Variants in PARD3B observed in about 807,000 individuals in gnomAD.
PARD3B encodes the protein partitioning defective 3 homolog B.
A neutral mutation model predicts 130.2 loss-of-function variants in PARD3B; 103 were observed. That is an observed-to-expected ratio of 0.79 (90% CI 0.67 to 0.93). The LOEUF (loss-of-function observed/expected upper bound fraction) is 0.93, where lower values mean the gene tolerates loss of function less well. Among genes scored for constraint, PARD3B ranks in the 40% least tolerant of loss-of-function variants. The probability of loss-of-function intolerance (pLI) is 0.00; values close to 1 mark genes in which losing one functional copy is unlikely to be tolerated. For synonymous variants in PARD3B, 583 were observed against 553.2 expected (o/e 1.05, Z -0.76); for missense variants, 1,609 against 1,499.2 (o/e 1.07, Z -1.21).
chr2:205,101,596 A>G (rs540301999), intron 4 of PARD3B, among the ~76,000 whole-genome samples: 6 of 152,352 alleles, frequency 3.9e-5, no homozygotes, highest in Middle Eastern at 3.4e-3. Context: ...TCATGGCAAC[A>G]TTATTCATAA....
intron 3 of PARD3B, among the ~76,000 whole-genome samples, chr2:204,979,141 G>A (rs537674378): frequency 2.6e-5 from 4 of 151,660 alleles, no homozygotes; most frequent in Non-Finnish European, 5.9e-5. Flanking sequence ...GGGAGGCGGA[G>A]CTTGCAGTGA....
rs1007282257 is a variant in PARD3B at position 205,584,844 on chromosome 2, G to T, written c.3261-30612G>T. ...AGTTTGAAGAGCTCATGTTCAGCCT[G>T]AGCCTTCTTTTTTGGAAAACACTTT... is the stretch of plus-strand genomic sequence containing the variant. On this transcript the variant is annotated intron_variant, in intron 22 of 22. Transcript: ENST00000406610. The surrounding 1 kb of genome is among the most constrained non-coding windows in gnomAD (Gnocchi z 5.5). Among the ~76,000 whole-genome samples, 3 of 152,128 alleles carry T rather than the reference G, an allele frequency of 2.0e-5. No individual in the cohort carries two copies. The highest frequency in any genetic ancestry group is 4.8e-5 in the African/African-American group (2 of 41,434).
At chr2:204,990,446 A>T (rs1041475185) in intron 3 of PARD3B, among the ~76,000 whole-genome samples, 15 of 152,120 alleles carry the variant, frequency 9.9e-5, no homozygotes, top group African/African-American at 3.4e-4. Context: ...ACAACAAATT[A>T]TTGTTAACTA....
chr2:205,133,709 C>T (rs1199516270), intron 10 of PARD3B, among the ~76,000 whole-genome samples: 4 of 134,880 alleles, frequency 3.0e-5, no homozygotes, highest in Non-Finnish European at 6.6e-5. Context: ...GGCTATGTGC[C>T]CCTCATTTTG....
intron 2 of PARD3B, among the ~76,000 whole-genome samples, chr2:204,697,683 G>T (rs923912163): frequency 1.3e-5 from 2 of 152,102 alleles, no homozygotes; most frequent in Non-Finnish European, 2.9e-5. Context: ...GTGATACAGT[G>T]TTGTTTGCTG....
intron 19 of PARD3B, among the ~76,000 whole-genome samples, chr2:205,417,036 C>T (rs1416432196): frequency 1.3e-5 from 2 of 150,858 alleles, no homozygotes; most frequent in African/African-American, 2.4e-5. Flanking sequence ...CCCGTTAACT[C>T]GTCATTTACA....
chr2:204,620,309 C>G (rs772466356), intron 1 of PARD3B, among the ~76,000 whole-genome samples: 5 of 152,036 alleles, frequency 3.3e-5, no homozygotes, highest in Non-Finnish European at 5.9e-5. Context: ...GGCTCATGCA[C>G]CTTTCTTGGG....
Position 204,546,081 on chromosome 2 carries a change from C to T in PARD3B, c.82C>T (p.Gln28Ter). 6.4e-7 allele frequency: 1 copy of T among 1,558,524 alleles called. No individual in the cohort carries two copies. Among genetic ancestry groups the T allele is most frequent in the Non-Finnish European group, 8.7e-7 (1 of 1,151,058 alleles). ...EGQLRVGELTQQALQRYLKTR... is the reference protein window; with the variant it reads ...EGQLRVGELT ...CCAGCTGCGCGTCGGCGAGCTCACC[C>T]AGCAGGCGCTGCAGCGGTACCTGAA... The change falls in exon 1 of 23, where the codon CAG becomes TAG. Residue 28 changes from glutamine to a stop codon, truncating the protein, a stop_gained. Coordinates refer to ENST00000406610, the MANE Select transcript of PARD3B (RefSeq NM_001302769.2). LOFTEE classifies it high-confidence loss of function.
At chr2:204,852,580 T>A (rs1461535558) in intron 2 of PARD3B, among the ~76,000 whole-genome samples, 1 of 152,164 alleles carries the variant, frequency 6.6e-6, no homozygotes, top group Non-Finnish European at 1.5e-5. Flanking sequence ...GCAAGCAGCT[T>A]TAACCAGTGG....
chr2:204,706,133 C>T (rs1046339064), intron 2 of PARD3B, among the ~76,000 whole-genome samples: 1 of 151,694 alleles, frequency 6.6e-6, no homozygotes, highest in Non-Finnish European at 1.5e-5. Context: ...ATTGGGAGGC[C>T]GAGGTGAGAG....
intron 21 of PARD3B, among the ~76,000 whole-genome samples, chr2:205,534,622 C>T (rs2051759141): frequency 6.6e-6 from 1 of 152,132 alleles, no homozygotes; most frequent in African/African-American, 2.4e-5. Flanking sequence ...GTGCCCGCAA[C>T]CACACCCGGT....
At chr2:205,363,063 C>T (rs1414255599) in intron 18 of PARD3B, among the ~76,000 whole-genome samples, 1 of 152,098 alleles carries the variant, frequency 6.6e-6, no homozygotes, top group Non-Finnish European at 1.5e-5. Context: ...CAGGTTCCCA[C>T]AGGCCCCTCT....
intron 18 of PARD3B, among the ~76,000 whole-genome samples, chr2:205,329,284 T>A (rs532324843): frequency 1.3e-5 from 2 of 152,354 alleles, no homozygotes; most frequent in East Asian, 3.9e-4. Context: ...ACTTTCTGTA[T>A]ACCTTTCATC....
chr2:204,715,553 G>A (rs1205041280), intron 2 of PARD3B, among the ~76,000 whole-genome samples: 1 of 150,446 alleles, frequency 6.6e-6, no homozygotes, highest in South Asian at 2.1e-4. Flanking sequence ...CAGTTAAAAC[G>A]TAAATCGTAA....
chr2:204,863,167 T>A (rs1559208926), intron 2 of PARD3B, among the ~76,000 whole-genome samples: 1 of 152,172 alleles, frequency 6.6e-6, no homozygotes, highest in Non-Finnish European at 1.5e-5. Flanking sequence ...ACCTCTTGCC[T>A]CCTCTCCCAC....
intron 1 of PARD3B, among the ~76,000 whole-genome samples, chr2:204,666,544 C>T (rs896059125): frequency 2.6e-5 from 4 of 152,050 alleles, no homozygotes; most frequent in African/African-American, 9.7e-5. Flanking sequence ...TGATGGTTAA[C>T]TTGGCCCAGA....
rs934000116 is a variant in PARD3B, at chr2:205,269,888, A to AGTATAAC, written c.2185+24067_2185+24073dup. ...CAATATATCCTAATTCACCAATATC[A>AGTATAAC]GTATAACATGTAATTTTTTCCCTAG... On this transcript the variant is annotated intron_variant, in intron 16 of 22. Coordinates refer to ENST00000406610, the MANE Select transcript of PARD3B (RefSeq NM_001302769.2). This position sits in a 1 kb window ranked among gnomAD's most constrained non-coding sequence, Gnocchi z 4.7. Among the ~76,000 whole-genome samples, 11 of 152,178 alleles carry AGTATAAC rather than the reference A, an allele frequency of 7.2e-5. No homozygotes were observed. The highest frequency in any genetic ancestry group is 1.2e-4 in the Non-Finnish European group (8 of 68,034).
At chr2:204,635,930 G>A (rs1559198194) in intron 1 of PARD3B, among the ~76,000 whole-genome samples, 1 of 152,100 alleles carries the variant, frequency 6.6e-6, no homozygotes, top group Non-Finnish European at 1.5e-5. Flanking sequence ...GTTTACTCTT[G>A]TAAGGCATAT....
intron 20 of PARD3B, among the ~76,000 whole-genome samples, chr2:205,442,290 CTT>C (rs71410814): frequency 6.6e-5 from 7 of 105,986 alleles, no homozygotes; most frequent in African/African-American, 2.1e-4. Flanking sequence ...ACAGGTTTTC[CTT>C]TTTTTTTTTT....
Sources: gnomAD v4.1 joint callset for allele counts (sites outside exome capture counted in the v4.1 genomes callset) on GRCh38, gnomAD v4.1.1 for gene constraint, Gnocchi (gnomAD v3.1) non-coding constraint, MANE v1.5 for transcripts, NCBI Gene and HGNC (gene_info 2026-07-23, HGNC 2026-07-21) for gene names.